The following ZC4H2 variants were observed in gnomAD, a reference collection of about 807,000 sequenced individuals.
ZC4H2 encodes the protein zinc finger C4H2-type containing, also known as zinc finger C4H2 domain-containing protein.
For missense variants in ZC4H2, 137 were observed against 173.9 expected (o/e 0.79, Z 1.19); for synonymous variants, 84 against 66.3 (o/e 1.27, Z -1.30).
chrX:64,968,729 G>A (rs1931676168), intron 1 of ZC4H2, among the ~76,000 whole-genome samples: 1 of 111,844 alleles, frequency 8.9e-6, no homozygotes, highest in South Asian at 3.8e-4. Context: ...CAGTCACCAG[G>A]ATGACAGTCT....
intron 1 of ZC4H2, among the ~76,000 whole-genome samples, chrX:65,006,306 A>G (rs184273439): frequency 1.8e-5 from 2 of 111,793 alleles, no homozygotes; most frequent in Non-Finnish European, 3.8e-5. Context: ...CTTGGAACCA[A>G]CCCAAATTCC....
intron 1 of ZC4H2, among the ~76,000 whole-genome samples, chrX:64,960,200 A>G (rs762105947): frequency 3.6e-5 from 4 of 111,197 alleles, no homozygotes; most frequent in African/African-American, 1.3e-4. Context: ...TCAATTGAAA[A>G]AAATGGAGCC....
intron 1 of ZC4H2, among the ~76,000 whole-genome samples, chrX:65,012,224 C>CAAAAAAAAA (rs10606871): frequency 3.2e-4 from 8 of 25,287 alleles, no homozygotes; most frequent in African/African-American, 3.8e-4. Flanking sequence ...GACCCCGTCT[C>CAAAAAAAAA]AAAAAAAAAA....
In ZC4H2 at chrX:64,939,817, A is replaced by C. The variant is rs1252236273; in HGVS notation, c.54-17829T>G. On this transcript the variant is annotated intron_variant, in intron 1 of 4. Transcript: ENST00000374839. Reference sequence around the variant, plus strand: ...GAAAGACTTAAACATAACACCTAAAATCATAAAAATCCTAGAAGAAAACCT... The same window carrying C: ...GAAAGACTTAAACATAACACCTAAACTCATAAAAATCCTAGAAGAAAACCT... Among the ~76,000 whole-genome samples the C allele has an allele frequency of 2.7e-5, 3 of 111,820 alleles. No homozygotes were observed. The East Asian group carries it at 8.4e-4, about 31-fold the overall frequency.
chrX:64,981,905 C>T (rs1029536562), intron 1 of ZC4H2, among the ~76,000 whole-genome samples: 4 of 110,993 alleles, frequency 3.6e-5, no homozygotes, highest in African/African-American at 1.3e-4. Flanking sequence ...TATTCTCAGG[C>T]AATGTTTCAG....
intron 1 of ZC4H2, among the ~76,000 whole-genome samples, chrX:64,952,784 C>G (rs990408729): frequency 1.8e-5 from 2 of 110,251 alleles, no homozygotes; most frequent in Admixed American, 1.9e-4. Context: ...CATCAAGTTA[C>G]CAATGACTTT....
intron 1 of ZC4H2, among the ~76,000 whole-genome samples, chrX:65,019,296 G>A (rs757451869): frequency 9.9e-5 from 11 of 111,540 alleles, no homozygotes; most frequent in South Asian, 3.8e-4. Flanking sequence ...TCTGGCTGGC[G>A]TCTGTCAGGT....
At chrX:65,018,822 G>A (rs936615900) in intron 1 of ZC4H2, among the ~76,000 whole-genome samples, 2 of 111,437 alleles carry the variant, frequency 1.8e-5, no homozygotes, top group East Asian at 2.8e-4. Flanking sequence ...GTCTAAGGTC[G>A]ATCTGGGACA....
chrX:65,017,129 G>C (rs1283398432), intron 1 of ZC4H2, among the ~76,000 whole-genome samples: 2 of 111,784 alleles, frequency 1.8e-5, no homozygotes, highest in Non-Finnish European at 3.8e-5. Context: ...TCTCCCCTTA[G>C]ATTATTCTGC....
chrX:64,943,442 C>T (rs1356942817), intron 1 of ZC4H2, among the ~76,000 whole-genome samples: 1 of 111,212 alleles, frequency 9.0e-6, no homozygotes, highest in Non-Finnish European at 1.9e-5. Flanking sequence ...GTTAAAATTT[C>T]CCATGATTAT....
intron 1 of ZC4H2, among the ~76,000 whole-genome samples, chrX:64,991,002 T>C (rs759727899): frequency 8.9e-6 from 1 of 112,110 alleles, no homozygotes; most frequent in Admixed American, 9.4e-5. Flanking sequence ...GAAAGGATCC[T>C]AGACCAGGCA....
intron 1 of ZC4H2, among the ~76,000 whole-genome samples, chrX:64,993,256 G>A (rs1034121092): frequency 6.3e-5 from 7 of 111,632 alleles, no homozygotes; most frequent in African/African-American, 2.3e-4. Context: ...AGTGGAGATG[G>A]CATCAGTTTA....
intron 1 of ZC4H2, among the ~76,000 whole-genome samples, chrX:64,946,493 C>T (rs1450828669): frequency 1.8e-5 from 2 of 109,225 alleles, no homozygotes; most frequent in South Asian, 4.1e-4. Context: ...AGTCACCCAC[C>T]TCCTGCTTTG....
intron 1 of ZC4H2, among the ~76,000 whole-genome samples, chrX:64,935,640 C>T (rs1175677504): frequency 1.8e-5 from 2 of 112,043 alleles, no homozygotes; most frequent in Non-Finnish European, 3.8e-5. Context: ...AGGCAGCAAT[C>T]GTTGCCGTTC....
At chrX:64,997,763 C>A (rs1473062971) in intron 1 of ZC4H2, among the ~76,000 whole-genome samples, 1 of 111,275 alleles carries the variant, frequency 9.0e-6, no homozygotes, top group Non-Finnish European at 1.9e-5. Context: ...ATGGCAGGAC[C>A]ACACCACCAT....
chrX:64,975,467 G>C (rs1931916899), intron 1 of ZC4H2, among the ~76,000 whole-genome samples: 1 of 111,904 alleles, frequency 8.9e-6, no homozygotes, highest in Admixed American at 9.4e-5. Flanking sequence ...GAGAGAGCTT[G>C]ACCCAGGCCA....
At chrX:64,924,966 C>T (rs1202846329) in intron 1 of ZC4H2, among the ~76,000 whole-genome samples, 1 of 111,160 alleles carries the variant, frequency 9.0e-6, no homozygotes, top group Non-Finnish European at 1.9e-5. Context: ...ACTTCACTTC[C>T]CTCAGCCTTG....
intron 1 of ZC4H2, among the ~76,000 whole-genome samples, chrX:64,974,204 G>GT (rs1453458918): frequency 1.8e-5 from 2 of 111,586 alleles, no homozygotes; most frequent in Non-Finnish European, 3.8e-5. Context: ...TATCCATTGA[G>GT]TTTTTTGGGG....
intron 1 of ZC4H2, among the ~76,000 whole-genome samples, chrX:64,930,244 G>C (rs1196124853): frequency 9.0e-6 from 1 of 111,638 alleles, no homozygotes; most frequent in Non-Finnish European, 1.9e-5. Context: ...TACTGAATTC[G>C]TTTATCAGGC....
Sources: gnomAD v4.1 joint callset for allele counts (sites outside exome capture counted in the v4.1 genomes callset) on GRCh38, gnomAD v4.1.1 for gene constraint, MANE v1.5 for transcripts, NCBI Gene and HGNC (gene_info 2026-07-23, HGNC 2026-07-21) for gene names.